PLXDC2: variants seen among roughly 807,000 people sequenced by gnomAD.
The protein encoded by PLXDC2 is plexin domain-containing protein 2.
PLXDC2 carries 40 observed loss-of-function variants against 68.9 expected under a neutral mutation model. The ratio of observed to expected loss-of-function variants is 0.58; its 90% CI spans 0.45 to 0.76. The LOEUF (loss-of-function observed/expected upper bound fraction) is 0.76. PLXDC2 is among the 30% of genes least tolerant of loss of function. The pLI is 0.00. For synonymous variants in PLXDC2, 243 were observed against 234.2 expected, an observed-to-expected ratio of 1.04 and a Z score of -0.34; for missense variants, 644 against 661.9, an observed-to-expected ratio of 0.97 and a Z score of 0.30.
Position 20,272,490 on chromosome 10 carries a change from C to G in PLXDC2, c.1474-7213C>G, listed in dbSNP as rs1261032430. On this transcript the variant is annotated intron_variant, in intron 13 of 13. Transcript: ENST00000377252. Reference sequence around the variant, plus strand: ...GAAAGAGAGCTTGTCACCCATGAGTCTGAGTGCCATGCCTCTCATGGCAGC... The same window carrying G: ...GAAAGAGAGCTTGTCACCCATGAGTGTGAGTGCCATGCCTCTCATGGCAGC... Among the ~76,000 whole-genome samples the G allele has an allele frequency of 2.0e-5, 3 of 151,944 alleles. 1 individual carries two copies. The highest frequency in any genetic ancestry group is 7.2e-5 in the African/African-American group (3 of 41,386).
chr10:20,148,728 G>A (rs1834111215), intron 6 of PLXDC2, among the ~76,000 whole-genome samples: 2 of 152,088 alleles, frequency 1.3e-5, no homozygotes, highest in Non-Finnish European at 2.9e-5. Context: ...TTAACCCATA[G>A]GTTAATGGGT....
rs142644330 is a variant in PLXDC2, at chr10:20,118,493, G to T, written c.542-24802G>T. Among the ~76,000 whole-genome samples the T allele has an allele frequency of 4.6e-3, 706 of 152,262 alleles. 4 individuals carry two copies. Among genetic ancestry groups the T allele is most frequent in the Non-Finnish European group, 7.9e-3 (538 of 68,026 alleles). On this transcript the variant is annotated intron_variant, in intron 4 of 13. Transcript: ENST00000377252. ...CCTAATTCTTAAATGTCACATTCTG[G>T]CCAGAACCAAGGGACCAATAGGACA...
chr10:20,008,384 G>A (rs929427376), intron 2 of PLXDC2, among the ~76,000 whole-genome samples: 1 of 152,012 alleles, frequency 6.6e-6, no homozygotes, highest in South Asian at 2.1e-4. Flanking sequence ...GTGAAACCCT[G>A]CCTCTACTAA....
intron 13 of PLXDC2, among the ~76,000 whole-genome samples, chr10:20,261,833 G>A (rs369342548): frequency 4.4e-4 from 66 of 150,610 alleles, no homozygotes; most frequent in African/African-American, 1.3e-3. Flanking sequence ...CAGCCTGGGC[G>A]CCAAGAGCAA....
At chr10:19,907,213 G>A (rs1833179883) in intron 1 of PLXDC2, among the ~76,000 whole-genome samples, 1 of 152,098 alleles carries the variant, frequency 6.6e-6, no homozygotes, top group Non-Finnish European at 1.5e-5. Context: ...GATGATAGTG[G>A]TGACTCTCCA....
intron 12 of PLXDC2, among the ~76,000 whole-genome samples, chr10:20,222,189 C>T (rs183916500): frequency 8.5e-4 from 130 of 152,246 alleles, no homozygotes; most frequent in Admixed American, 6.1e-3. Context: ...CCTACATTGT[C>T]TTTCTTGGTT....
At chr10:20,278,902 C>A (rs1159451853) in intron 13 of PLXDC2, among the ~76,000 whole-genome samples, 1 of 152,074 alleles carries the variant, frequency 6.6e-6, no homozygotes, top group African/African-American at 2.4e-5. Context: ...ATTTTAGTGT[C>A]TTTTGCTTTG....
At chr10:19,981,395 A>G (rs1484282445) in intron 1 of PLXDC2, among the ~76,000 whole-genome samples, 2 of 152,224 alleles carry the variant, frequency 1.3e-5, no homozygotes, top group African/African-American at 4.8e-5. Flanking sequence ...AAGTCTTGAT[A>G]CATGGGTTTG....
chr10:20,109,515 A>G (rs575606895), intron 4 of PLXDC2, among the ~76,000 whole-genome samples: 3 of 152,308 alleles, frequency 2.0e-5, no homozygotes, highest in African/African-American at 7.2e-5. Context: ...AACTCATTAT[A>G]CCAGAGTCTT....
intron 3 of PLXDC2, among the ~76,000 whole-genome samples, chr10:20,062,984 A>G (rs867872166): frequency 6.6e-6 from 1 of 152,136 alleles, no homozygotes; most frequent in South Asian, 2.1e-4. Flanking sequence ...TATTTATTTG[A>G]TCTTATATTT....
chr10:19,986,633 G>A (rs1253235589), intron 1 of PLXDC2, among the ~76,000 whole-genome samples: 1 of 152,060 alleles, frequency 6.6e-6, no homozygotes, highest in African/African-American at 2.4e-5. Context: ...ACAAAAGGCA[G>A]GTTAAAACAC....
intron 13 of PLXDC2, among the ~76,000 whole-genome samples, chr10:20,260,712 A>C (rs970914590): frequency 6.6e-6 from 1 of 152,222 alleles, no homozygotes; most frequent in Non-Finnish European, 1.5e-5. Flanking sequence ...ATATATATCC[A>C]GCAGTGAGGT....
intron 1 of PLXDC2, among the ~76,000 whole-genome samples, chr10:19,843,515 A>G (rs1836944606): frequency 6.6e-6 from 1 of 152,206 alleles, no homozygotes; most frequent in South Asian, 2.1e-4. Context: ...TAAACATTAG[A>G]AAATAAGAGA....
chr10:19,850,563 C>A (rs570436787), intron 1 of PLXDC2, among the ~76,000 whole-genome samples: 1 of 152,274 alleles, frequency 6.6e-6, no homozygotes, highest in Admixed American at 6.5e-5. Flanking sequence ...AGAGACCCAA[C>A]TAATCGTCTA....
intron 9 of PLXDC2, among the ~76,000 whole-genome samples, chr10:20,201,369 A>G (rs751614496): frequency 5.3e-5 from 8 of 152,112 alleles, no homozygotes; most frequent in Non-Finnish European, 7.4e-5. Flanking sequence ...AATAAAATGC[A>G]GAACAGTGGA....
At chr10:20,173,176 A>G (rs1262167285) in intron 7 of PLXDC2, among the ~76,000 whole-genome samples, 1 of 152,194 alleles carries the variant, frequency 6.6e-6, no homozygotes, top group Admixed American at 6.5e-5. Context: ...AGTACTCAGT[A>G]AACGGTGCTT....
rs547807724 is a variant in PLXDC2, at chr10:20,136,021, G to A, written c.542-7274G>A. The stretch of plus-strand genomic sequence containing the variant: ...ATATATTTTAACTTGATAGCTGGTT[G>A]GAATTATAAAGGGAAAGTATTTGGT... On this transcript the variant is annotated intron_variant, in intron 4 of 13. Transcript: ENST00000377252. Among the ~76,000 whole-genome samples, 20 of 152,164 alleles carry A rather than the reference G, an allele frequency of 1.3e-4. 1 individual carries two copies. In the East Asian group the frequency reaches 3.9e-3, roughly 29 times the overall value.
chr10:20,241,017 C>A (rs956595735), intron 12 of PLXDC2, among the ~76,000 whole-genome samples: 4 of 152,062 alleles, frequency 2.6e-5, no homozygotes, highest in Non-Finnish European at 5.9e-5. Context: ...TTAAAATAAT[C>A]GTCATCCAAA....
intron 1 of PLXDC2, among the ~76,000 whole-genome samples, chr10:19,825,911 A>C (rs1167373443): frequency 6.6e-6 from 1 of 152,184 alleles, no homozygotes; most frequent in Non-Finnish European, 1.5e-5. Context: ...TCCTGTGGGC[A>C]TAGCTGGCGG....
Sources: gnomAD v4.1 joint callset for allele counts (sites outside exome capture counted in the v4.1 genomes callset) on GRCh38, gnomAD v4.1.1 for gene constraint, MANE v1.5 for transcripts, NCBI Gene and HGNC (gene_info 2026-07-23, HGNC 2026-07-21) for gene names.